The following MINDY1 variants were observed in gnomAD, a reference collection of about 807,000 sequenced individuals.
The protein encoded by MINDY1 is ubiquitin carboxyl-terminal hydrolase MINDY-1.
Under a neutral mutation model 53.6 loss-of-function variants are expected in MINDY1, and 50 were observed. The ratio of observed to expected loss-of-function variants is 0.93; its 90% CI spans 0.74 to 1.18. MINDY1 has a LOEUF of 1.18. Among genes scored for constraint, MINDY1 ranks in the 50% most tolerant of loss-of-function variants. The pLI, the probability that MINDY1 is intolerant of heterozygous loss-of-function variation, is 0.00. For synonymous variants in MINDY1, 231 were observed against 234.7 expected, an observed-to-expected ratio of 0.98 and a Z score of 0.14; for missense variants, 484 against 578.6, an observed-to-expected ratio of 0.84 and a Z score of 1.68.
At chr1:150,997,809 T>G in intron 8 of MINDY1, 30 bp from the exon 9 acceptor site, 3 of 1,594,504 alleles carry the variant, frequency 1.9e-6, no homozygotes, top group Non-Finnish European at 2.6e-6. Flanking sequence ...TGCAGTGGGC[T>G]GAGGCCCAGA....
At chr1:151,000,636 G>T (rs780512919) in intron 4 of MINDY1, 21 bp from the exon 5 acceptor site, 3 of 1,596,480 alleles carry the variant, frequency 1.9e-6, no homozygotes, top group Admixed American at 1.8e-5. Flanking sequence ...AAAAAAAAAT[G>T]ATGGAGATTC....
At position 150,999,467 on chromosome 1, in the gene MINDY1, T is replaced by G. The variant is rs1571716526; in HGVS notation, c.883A>C (p.Thr295Pro). The G allele has an allele frequency of 6.2e-7, 1 of 1,614,118 alleles. No individual in the cohort carries two copies. Among genetic ancestry groups the G allele is most frequent in the Non-Finnish European group, 8.5e-7 (1 of 1,180,032 alleles). The change falls in exon 7 of 10, where the codon ACC (threonine) becomes CCC (proline). Residue 295 changes from threonine to proline, a missense_variant. By Grantham distance (38) the Thr-to-Pro change is conservative. Transcript: ENST00000683666. This position sits in a 1 kb window ranked among gnomAD's most constrained non-coding sequence, Gnocchi z 4.4. ...QFLETTAAQL[T>P]YHGLCELTAA... is the part of the protein sequence containing the mutation. ...GTCAGCTCACACAGTCCGTGGTAGGTCAGCTGGGCCGCGGTGGTCTCCAGG... is the reference window on the plus strand; with the variant it reads ...GTCAGCTCACACAGTCCGTGGTAGGGCAGCTGGGCCGCGGTGGTCTCCAGG...
Position 151,002,840 on chromosome 1 carries a change from A to T in MINDY1, c.-89-134T>A, listed in dbSNP as rs1275198627. Reference sequence around the variant, plus strand: ...GGCTATGGGCAGTATATGTGTAAACAGAAGGGCCCCGTGCTGAGCTCTTTC... The same window carrying T: ...GGCTATGGGCAGTATATGTGTAAACTGAAGGGCCCCGTGCTGAGCTCTTTC... On this transcript the variant is annotated intron_variant, in intron 1 of 9. Coordinates refer to ENST00000683666, the MANE Select transcript of MINDY1 (RefSeq NM_001376665.1). The surrounding 1 kb of genome is among the most constrained non-coding windows in gnomAD (Gnocchi z 4.1). 6 of 1,439,618 alleles carry T rather than the reference A, an allele frequency of 4.2e-6. No individual in the cohort carries two copies. The highest frequency in any genetic ancestry group is 1.4e-5 in the African/African-American group (1 of 69,716). The allele number at this position is 1,439,618 out of a possible 1,614,324, so 89.2% of individuals were successfully genotyped here.
Position 150,999,236 on chromosome 1 carries a change from T to A in MINDY1, c.981+133A>T. ...ACCAGGAGCGGGAAATGAACCTTTG[T>A]TGTGGTAAACCACAGGGATTTGAGG... On this transcript the variant is annotated intron_variant, in intron 7 of 9. Transcript: ENST00000683666. The surrounding 1 kb of genome is among the most constrained non-coding windows in gnomAD (Gnocchi z 4.4). 7.7e-7 allele frequency: 1 copy of A among 1,294,632 alleles called. No homozygotes were observed. The highest frequency in any genetic ancestry group is 1.3e-5 in the South Asian group (1 of 74,682). 80.2% of individuals were successfully genotyped at this position (1,294,632 alleles called of 1,614,324 possible).
intron 1 of MINDY1, among the ~76,000 whole-genome samples, chr1:151,004,942 ACTCAAATTGATTATC>A (rs1310643615): frequency 6.6e-6 from 1 of 152,124 alleles, no homozygotes; most frequent in African/African-American, 2.4e-5. Flanking sequence ...AAGCCTAGTC[ACTCAAATTGATTATC>A]CTCTTGATTC....
At chr1:151,001,931 G>A in intron 2 of MINDY1, 149 bp from the exon 3 acceptor site, 1 of 900,354 alleles carries the variant, frequency 1.1e-6, no homozygotes, top group Non-Finnish European at 1.6e-6. Context: ...GTGAAATCTT[G>A]CAAGGCATGT....
chr1:150,999,480 G>A lies in MINDY1; in HGVS notation c.870C>T (p.Thr290=), dbSNP rs587661375. Residue 290 remains threonine (T), a synonymous_variant, in exon 7 of 10, where the codon ACC becomes ACT. Coordinates refer to ENST00000683666, the MANE Select transcript of MINDY1 (RefSeq NM_001376665.1). The surrounding 1 kb of genome is among the most constrained non-coding windows in gnomAD (Gnocchi z 4.4). ...GLIAEQFLET[T]AAQLTYHGLC... ...GTCCGTGGTAGGTCAGCTGGGCCGCGGTGGTCTCCAGGAACTGCTCTGCAA... is the reference window on the plus strand; with the variant it reads ...GTCCGTGGTAGGTCAGCTGGGCCGCAGTGGTCTCCAGGAACTGCTCTGCAA... The A allele has an allele frequency of 5.0e-6, 8 of 1,614,112 alleles. No individual in the cohort carries two copies. Among genetic ancestry groups the A allele is most frequent in the African/African-American group, 4.0e-5 (3 of 75,022 alleles).
chr1:151,005,221 G>C (rs1221106224), intron 1 of MINDY1, among the ~76,000 whole-genome samples: 1 of 152,120 alleles, frequency 6.6e-6, no homozygotes, highest in Non-Finnish European at 1.5e-5. Context: ...AGAGGCCGAG[G>C]CGGGCGGATC....
chr1:150,998,042 C>G (rs1672045589), intron 8 of MINDY1, 40 bp downstream of exon 8: 1 of 1,561,554 alleles, frequency 6.4e-7, no homozygotes, highest in African/African-American at 1.4e-5. Context: ...CTCTCTGAGG[C>G]ACATGTGCTC....
At chr1:151,003,435 G>A (rs970693887) in intron 1 of MINDY1, among the ~76,000 whole-genome samples, 5 of 152,068 alleles carry the variant, frequency 3.3e-5, no homozygotes, top group East Asian at 1.9e-4. Context: ...TTTCCTGTAA[G>A]CTGGGAGGGG....
At position 151,003,843 on chromosome 1, in the gene MINDY1, A is replaced by G. The variant is rs147300085; in HGVS notation, c.-89-1137T>C. ...TCTATGAAATATGAAAATGCTGATT[A>G]TTAATTTACATAACAATACTTCCTG... On this transcript the variant is annotated intron_variant, in intron 1 of 9. Transcript: ENST00000683666. Among the ~76,000 whole-genome samples the G allele has an allele frequency of 9.2e-5, 14 of 152,350 alleles. No individual in the cohort carries two copies. In the East Asian group the frequency reaches 2.7e-3, roughly 29 times the overall value.
In MINDY1 at chr1:151,002,904, C is replaced by G. The variant is rs754957467; in HGVS notation, c.-89-198G>C. 4 of 1,372,018 alleles carry G rather than the reference C, an allele frequency of 2.9e-6. No individual in the cohort carries two copies. In the African/African-American group the frequency reaches 4.4e-5, roughly 15 times the overall value. The allele number at this position is 1,372,018 out of a possible 1,614,324, so 85.0% of individuals were successfully genotyped here. A position where few individuals can be genotyped will look rare whatever the true frequency, so the allele number is the denominator to read the frequency against. ...CTGTGACCAGATGAGACCAAGAGGT[C>G]GTGGGGCTTCCAGACTTGGGAGGGA... On this transcript the variant is annotated intron_variant, in intron 1 of 9. Transcript: ENST00000683666. This position sits in a 1 kb window ranked among gnomAD's most constrained non-coding sequence, Gnocchi z 4.1.
chr1:151,001,635 A>T (rs1383794752), intron 3 of MINDY1, 90 bp downstream of exon 3: 1 of 1,491,914 alleles, frequency 6.7e-7, no homozygotes, highest in Non-Finnish European at 9.2e-7. Context: ...AGAACCCCCA[A>T]ATGGAGATCC....
At chr1:151,003,412 G>A (rs1376956099) in intron 1 of MINDY1, among the ~76,000 whole-genome samples, 3 of 152,066 alleles carry the variant, frequency 2.0e-5, no homozygotes, top group African/African-American at 7.2e-5. Flanking sequence ...CAGTATAAAG[G>A]CCTTGGGAGG....
Position 150,998,278 on chromosome 1 carries a change from A to G in MINDY1, c.982-5T>C, listed in dbSNP as rs202240663. ...GACCAGTAGGTATAAGTGACTCTACAAAGAAAAGAACAGAGCTCATTGGGG... is the reference window on the plus strand; with the variant it reads ...GACCAGTAGGTATAAGTGACTCTACGAAGAAAAGAACAGAGCTCATTGGGG... On this transcript the variant is annotated splice_polypyrimidine_tract_variant and splice_region_variant and intron_variant, in intron 7 of 9. Coordinates refer to ENST00000683666, the MANE Select transcript of MINDY1 (RefSeq NM_001376665.1). 34 of 1,609,416 alleles carry G rather than the reference A, an allele frequency of 2.1e-5. No homozygotes were observed. Among genetic ancestry groups the G allele is most frequent in the Admixed American group, 1.5e-4 (9 of 58,982 alleles).
Position 150,998,343 on chromosome 1 carries a change from G to A in MINDY1, c.982-70C>T, listed in dbSNP as rs184848365. The A allele has an allele frequency of 1.5e-3, 2,136 of 1,438,294 alleles. 2 individuals are homozygous for A. Among genetic ancestry groups the A allele is most frequent in the Admixed American group, 2.9e-3 (139 of 48,156 alleles). The allele number at this position is 1,438,294 out of a possible 1,614,324, so 89.1% of individuals were successfully genotyped here. A position where few individuals can be genotyped will look rare whatever the true frequency, so the allele number is the denominator to read the frequency against. ...GAGGCAGTTCACTGCCAGAAATCTC[G>A]GTATGAGCATGTGGACTTTTTTTTT... On this transcript the variant is annotated intron_variant, in intron 7 of 9. Coordinates refer to ENST00000683666, the MANE Select transcript of MINDY1 (RefSeq NM_001376665.1).
intron 1 of MINDY1, among the ~76,000 whole-genome samples, chr1:151,004,579 A>T (rs1354210375): frequency 6.6e-6 from 1 of 151,824 alleles, no homozygotes; most frequent in African/African-American, 2.4e-5. Flanking sequence ...AAAGTACAAA[A>T]ATTAGCCAGG....
In MINDY1 at chr1:151,002,203, GAGGGCA is replaced by G; in HGVS notation, c.409_414del (p.Cys137_Pro138del). The stretch of plus-strand genomic sequence containing the variant: ...AAGAGGATGTTCATGATGGCAAGGA[GAGGGCA>G]AGGGCCGTTAGTGCTCTGGGTGATG... On this transcript the variant is annotated inframe_deletion, in exon 2 of 10. Coordinates refer to ENST00000683666, the MANE Select transcript of MINDY1 (RefSeq NM_001376665.1). The surrounding 1 kb of genome is among the most constrained non-coding windows in gnomAD (Gnocchi z 4.1). 6.2e-7 allele frequency: 1 copy of G among 1,613,072 alleles called. No homozygotes were observed. The highest frequency in any genetic ancestry group is 8.5e-7 in the Non-Finnish European group (1 of 1,179,430).
chr1:150,999,291 T>G lies in MINDY1; in HGVS notation c.981+78A>C. On this transcript the variant is annotated intron_variant, in intron 7 of 9. Transcript: ENST00000683666. The surrounding 1 kb of genome is among the most constrained non-coding windows in gnomAD (Gnocchi z 4.4). ...ACTTGCTACCACGGCTTAATCTAGC[T>G]GATCCCAGCTGGACCCACGAGAAAA... 2 of 1,582,038 alleles carry G rather than the reference T, an allele frequency of 1.3e-6. No individual in the cohort carries two copies. The highest frequency in any genetic ancestry group is 1.7e-6 in the Non-Finnish European group (2 of 1,159,666).
Sources: allele counts gnomAD v4.1 joint callset (sites outside exome capture counted in the v4.1 genomes callset), GRCh38; gene constraint gnomAD v4.1.1; non-coding constraint Gnocchi (gnomAD v3.1); transcripts MANE v1.5; gene names NCBI Gene and HGNC (gene_info 2026-07-23, HGNC 2026-07-21).